Variants in MAGI2 observed in about 807,000 individuals in gnomAD.
The protein encoded by MAGI2 is membrane associated guanylate kinase, WW and PDZ domain containing 2, also known as membrane-associated guanylate kinase, WW and PDZ domain-containing protein 2.
MAGI2 carries 35 observed loss-of-function variants against 133.3 expected under a neutral mutation model. That is an observed-to-expected ratio of 0.26 (90% CI 0.20 to 0.35). MAGI2 has a LOEUF of 0.35. MAGI2 is among the 10% of genes least tolerant of loss of function. The pLI is 1.00. For synonymous variants in MAGI2, 729 were observed against 710.6 expected (o/e 1.03, Z -0.41); for missense variants, 1,636 against 1,863.4 (o/e 0.88, Z 2.25).
In MAGI2 at chr7:78,907,805, G is replaced by A. The variant is rs138023984; in HGVS notation, c.418+99285C>T. ...TAAACCGTGTCTAATAAGCCAAAAT[G>A]TTTCAGAAAGGAGGTGTGGGGTCTT... is the stretch of plus-strand genomic sequence containing the variant. On this transcript the variant is annotated intron_variant, in intron 2 of 21. Transcript: ENST00000354212. 3.3e-5 allele frequency among the ~76,000 whole-genome samples: 5 copies of A among 152,192 alleles called. No individual in the cohort carries two copies. The East Asian group carries it at 9.7e-4, about 29-fold the overall frequency.
intron 6 of MAGI2, among the ~76,000 whole-genome samples, chr7:78,480,552 T>C (rs1183623508): frequency 2.6e-5 from 4 of 151,956 alleles, no homozygotes; most frequent in African/African-American, 9.7e-5. Context: ...TAGTTGGACT[T>C]ATCCCAGGTA....
intron 1 of MAGI2, among the ~76,000 whole-genome samples, chr7:79,251,866 T>A (rs1009318020): frequency 2.8e-4 from 42 of 148,176 alleles, no homozygotes; most frequent in African/African-American, 8.6e-4. Flanking sequence ...TGAATGGATT[T>A]AAAAAAAAAA....
chr7:78,986,055 T>C (rs756295836), intron 2 of MAGI2, among the ~76,000 whole-genome samples: 4 of 152,102 alleles, frequency 2.6e-5, no homozygotes, highest in Non-Finnish European at 5.9e-5. Context: ...TTATAAATTC[T>C]GTGATGCACA....
At chr7:79,365,779 G>C (rs1235702954) in intron 1 of MAGI2, among the ~76,000 whole-genome samples, 1 of 143,804 alleles carries the variant, frequency 7.0e-6, no homozygotes, top group Non-Finnish European at 1.5e-5. Flanking sequence ...AGAATGGCTT[G>C]AACCCAGGTG....
intron 2 of MAGI2, among the ~76,000 whole-genome samples, chr7:78,837,152 T>A (rs1028269270): frequency 1.3e-5 from 2 of 152,152 alleles, no homozygotes; most frequent in African/African-American, 4.8e-5. Flanking sequence ...GGCCTCAGCC[T>A]TGTTAACTCA....
At chr7:79,409,537 G>A (rs1846020621) in intron 1 of MAGI2, among the ~76,000 whole-genome samples, 1 of 150,978 alleles carries the variant, frequency 6.6e-6, no homozygotes, top group African/African-American at 2.4e-5. Flanking sequence ...TCTATTTACT[G>A]AGAACTGAAC....
intron 1 of MAGI2, among the ~76,000 whole-genome samples, chr7:79,269,319 A>G (rs1001989471): frequency 6.6e-6 from 1 of 152,160 alleles, no homozygotes; most frequent in African/African-American, 2.4e-5. Context: ...TTATGGGTGG[A>G]TAACAAAATT....
intron 21 of MAGI2, among the ~76,000 whole-genome samples, chr7:78,071,957 G>A (rs549806963): frequency 1.3e-5 from 2 of 152,316 alleles, no homozygotes; most frequent in Middle Eastern, 3.4e-3. Context: ...GGTCTCTGAG[G>A]AACAGGTTAG....
Position 78,627,130 on chromosome 7 carries a change from C to T in MAGI2, c.528G>A (p.Gly176=), listed in dbSNP as rs140651421. 1,182 of 1,582,784 alleles carry T rather than the reference C, an allele frequency of 7.5e-4. 15 individuals carry two copies. The South Asian group carries it at 0.011, about 14-fold the overall frequency. The stretch of plus-strand genomic sequence containing the variant: ...GAACGTTGTGCTTACCTTCATAAGT[C>T]CCACTTTCTAGGAGAGCACCACTTT... The part of the protein sequence containing the change: ...LEKSGALLES[G]TYEDNYYGTP... Residue 176 remains glycine (G), a synonymous_variant, in exon 3 of 22, where the codon GGG becomes GGA. Coordinates refer to ENST00000354212, the MANE Select transcript of MAGI2 (RefSeq NM_012301.4).
intron 2 of MAGI2, among the ~76,000 whole-genome samples, chr7:78,776,350 C>A (rs1825986339): frequency 6.6e-6 from 1 of 152,174 alleles, no homozygotes; most frequent in African/African-American, 2.4e-5. Flanking sequence ...TAGGAAGCTA[C>A]ACTTACTACT....
At chr7:78,728,627 G>A (rs1442209473) in intron 2 of MAGI2, among the ~76,000 whole-genome samples, 3 of 79,088 alleles carry the variant, frequency 3.8e-5, no homozygotes, top group African/African-American at 1.2e-4. Context: ...GTGCAGTGGC[G>A]GGATCTCGGC....
At chr7:79,156,537 A>C (rs1050802458) in intron 1 of MAGI2, among the ~76,000 whole-genome samples, 1 of 152,144 alleles carries the variant, frequency 6.6e-6, no homozygotes, top group Non-Finnish European at 1.5e-5. Flanking sequence ...TTTTGATCCC[A>C]GGTCTTTAGA....
At chr7:79,315,964 A>C (rs1354254538) in intron 1 of MAGI2, among the ~76,000 whole-genome samples, 1 of 152,096 alleles carries the variant, frequency 6.6e-6, no homozygotes, top group Non-Finnish European at 1.5e-5. Flanking sequence ...AAGCTACTAA[A>C]TAGTTACATG....
At chr7:78,323,707 C>T (rs1788252292) in intron 9 of MAGI2, among the ~76,000 whole-genome samples, 1 of 152,154 alleles carries the variant, frequency 6.6e-6, no homozygotes, top group African/African-American at 2.4e-5. Context: ...GTGAAATCTT[C>T]TTGTAATTCT....
intron 21 of MAGI2, among the ~76,000 whole-genome samples, chr7:78,065,995 T>A (rs1813765510): frequency 6.6e-6 from 1 of 152,214 alleles, no homozygotes; most frequent in Non-Finnish European, 1.5e-5. Context: ...TTTCTCATAA[T>A]AATGAGATGT....
At chr7:78,347,224 A>T (rs528232008) in intron 7 of MAGI2, 1 of 152,400 alleles carries the variant, frequency 6.6e-6, no homozygotes, top group South Asian at 2.1e-4. Flanking sequence ...AACATAAACC[A>T]CTTACAGCTT....
intron 9 of MAGI2, among the ~76,000 whole-genome samples, chr7:78,288,586 G>A (rs1796385685): frequency 6.6e-6 from 1 of 152,194 alleles, no homozygotes. Flanking sequence ...TTCCAACTGA[G>A]CTTTGAAGAG....
At chr7:78,739,041 T>C (rs1011546987) in intron 2 of MAGI2, among the ~76,000 whole-genome samples, 2 of 152,238 alleles carry the variant, frequency 1.3e-5, no homozygotes, top group Non-Finnish European at 2.9e-5. Context: ...TCAGTTTAGC[T>C]GATCTCATTT....
chr7:78,094,398 A>G (rs1817518578), intron 20 of MAGI2, among the ~76,000 whole-genome samples: 1 of 152,110 alleles, frequency 6.6e-6, no homozygotes, highest in Non-Finnish European at 1.5e-5. Context: ...ACCTGCCTGA[A>G]TTCATCATTA....
Sources: gnomAD v4.1 joint callset for allele counts (sites outside exome capture counted in the v4.1 genomes callset) on GRCh38, gnomAD v4.1.1 for gene constraint, MANE v1.5 for transcripts, NCBI Gene and HGNC (gene_info 2026-07-23, HGNC 2026-07-21) for gene names.